CREG1: variants seen among roughly 807,000 people sequenced by gnomAD.
The protein encoded by CREG1 is protein CREG1.
In CREG1, 20 loss-of-function variants were observed where a neutral mutation model predicts 19.9. The ratio of observed to expected loss-of-function variants is 1.01; its 90% CI spans 0.71 to 1.46. CREG1 has a LOEUF of 1.46. Among genes scored for constraint, CREG1 ranks in the 40% most tolerant of loss-of-function variants. The pLI, the probability that CREG1 is intolerant of heterozygous loss-of-function variation, is 0.00. For synonymous variants in CREG1, 141 were observed against 143.3 expected (o/e 0.98, Z 0.12); for missense variants, 290 against 314.9 (o/e 0.92, Z 0.60).
At chr1:167,548,199 T>A in intron 1 of CREG1, 78 bp from the exon 2 acceptor site, 1 of 1,184,780 alleles carries the variant, frequency 8.4e-7, no homozygotes, top group Non-Finnish European at 1.2e-6. Context: ...GTTGCATACA[T>A]GATGTCCCTA....
rs574101042 is a variant in CREG1 at position 167,550,754 on chromosome 1, A to G, written c.355-2633T>C. ...AAATGAACAGCAAGCAGAAATATAGAGAACTTTGAAGAGGTCAGAAATGGA... is the reference window on the plus strand; with the variant it reads ...AAATGAACAGCAAGCAGAAATATAGGGAACTTTGAAGAGGTCAGAAATGGA... On this transcript the variant is annotated intron_variant, in intron 1 of 3. Transcript: ENST00000370509. 9.2e-5 allele frequency among the ~76,000 whole-genome samples: 14 copies of G among 152,294 alleles called. No individual in the cohort carries two copies. The South Asian group carries it at 2.1e-3, about 23-fold the overall frequency.
In CREG1 at chr1:167,553,510, C is replaced by G. The variant is rs1422179506; in HGVS notation, c.232G>C (p.Glu78Gln). 1.3e-6 allele frequency: 2 copies of G among 1,490,282 alleles called. No homozygotes were observed. Among genetic ancestry groups the G allele is most frequent in the African/African-American group, 2.9e-5 (2 of 68,692 alleles). 92.3% of individuals were successfully genotyped at this position (1,490,282 alleles called of 1,614,324 possible). Residue 78 changes from glutamate to glutamine, a missense_variant, in exon 1 of 4, where the codon GAG becomes CAG. By Grantham distance (29) the Glu-to-Gln change is conservative. Coordinates refer to ENST00000370509, the MANE Select transcript of CREG1 (RefSeq NM_003851.3). ...WGALATISTL[E>Q]AVRGRPFADV... is the part of the protein sequence containing the mutation. The stretch of plus-strand genomic sequence containing the variant: ...GCGAAGGGCCGGCCGCGCACCGCCT[C>G]CAGCGTGGAGATGGTGGCCAGAGCG...
Position 167,546,084 on chromosome 1 carries a change from G to A in CREG1, c.659+17C>T, listed in dbSNP as rs61806194. 4.0e-3 allele frequency: 6,342 copies of A among 1,566,804 alleles called. 24 individuals carry two copies. The highest frequency in any genetic ancestry group is 5.1e-3 in the Non-Finnish European group (5,871 of 1,155,860). On this transcript the variant is annotated intron_variant, in intron 3 of 3. Transcript: ENST00000370509. ...GTAAGGGCGGCAATCTTAGGTGAAA[G>A]ATGTGTAAGTACTTACTGAACTGTG...
intron 3 of CREG1, among the ~76,000 whole-genome samples, chr1:167,542,939 T>C (rs552882275): frequency 6.6e-6 from 1 of 152,254 alleles, no homozygotes; most frequent in South Asian, 2.1e-4. Context: ...TCAAAAGCAA[T>C]GCTTATGCTT....
intron 2 of CREG1, among the ~76,000 whole-genome samples, chr1:167,546,712 T>TC (rs1296803929): frequency 1.3e-5 from 2 of 152,082 alleles, no homozygotes; most frequent in Non-Finnish European, 2.9e-5. Context: ...TAAATCTTGA[T>TC]CTTAACCTTA....
At chr1:167,547,915 T>C (rs1185465786) in intron 2 of CREG1, 87 bp downstream of exon 2, 2 of 1,440,272 alleles carry the variant, frequency 1.4e-6, no homozygotes, top group East Asian at 2.3e-5. Context: ...AGTGAGACTC[T>C]GTCTCAAAAG....
chr1:167,552,713 T>C (rs964393764), intron 1 of CREG1, among the ~76,000 whole-genome samples: 1 of 152,178 alleles, frequency 6.6e-6, no homozygotes, highest in African/African-American at 2.4e-5. Context: ...TTAAAGTGCT[T>C]AAGTACCTAA....
intron 1 of CREG1, among the ~76,000 whole-genome samples, chr1:167,552,794 C>G (rs1438001140): frequency 1.3e-5 from 2 of 152,108 alleles, no homozygotes; most frequent in Admixed American, 1.3e-4. Context: ...CGCCTGTAAT[C>G]CCAGCACTTT....
At position 167,548,012 on chromosome 1, in the gene CREG1, G is replaced by A. The variant is rs768500518; in HGVS notation, c.464C>T (p.Thr155Ile). The A allele has an allele frequency of 6.2e-7, 1 of 1,612,844 alleles. No individual in the cohort carries two copies. The highest frequency in any genetic ancestry group is 8.5e-7 in the Non-Finnish European group (1 of 1,178,886). The change falls in exon 2 of 4, where the codon ACT becomes ATT. Residue 155 changes from threonine to isoleucine, a missense_variant. Physicochemically the swap from Thr to Ile is moderately conservative, Grantham distance 89. Coordinates refer to ENST00000370509, the MANE Select transcript of CREG1 (RefSeq NM_003851.3). ...PLCVHIMLSG[T>I]VTKVNETEMD... Reference sequence around the variant, plus strand: ...AGGATAACTACTTACCTTGGTCACAGTTCCTGACAGCATTATGTGAACACA... The same window carrying A: ...AGGATAACTACTTACCTTGGTCACAATTCCTGACAGCATTATGTGAACACA...
At position 167,546,234 on chromosome 1, in the gene CREG1, G is replaced by C; in HGVS notation, c.526C>G (p.Pro176Ala). 4 of 1,611,722 alleles carry C rather than the reference G, an allele frequency of 2.5e-6. No homozygotes were observed. Among genetic ancestry groups the C allele is most frequent in the Non-Finnish European group, 3.4e-6 (4 of 1,179,048 alleles). The change falls in exon 3 of 4, where the codon CCT becomes GCT. Residue 176 changes from proline to alanine, a missense_variant. Pro to Ala is a conservative substitution (Grantham distance 27, BLOSUM62 -1). Transcript: ENST00000370509. Reference protein sequence around the residue: ...IAKHSLFIRHPEMKTWPSSHN... With the variant: ...IAKHSLFIRHAEMKTWPSSHN... ...CTGGAAGGCCAGGTTTTCATCTCAGGGTGTCGAATGAATAACGAATGCTTT... is the reference window on the plus strand; with the variant it reads ...CTGGAAGGCCAGGTTTTCATCTCAGCGTGTCGAATGAATAACGAATGCTTT...
intron 3 of CREG1, among the ~76,000 whole-genome samples, chr1:167,543,492 G>A (rs1438948869): frequency 6.6e-6 from 1 of 152,192 alleles, no homozygotes; most frequent in South Asian, 2.1e-4. Context: ...AAACCGATCT[G>A]GGCAAGCCAA....
intron 1 of CREG1, among the ~76,000 whole-genome samples, chr1:167,550,131 G>T (rs1737488): frequency 1.3e-5 from 2 of 151,922 alleles, no homozygotes; most frequent in East Asian, 3.9e-4. Context: ...CTGGGACTAC[G>T]GTCGTACACC....
chr1:167,548,148 C>T (rs371833839), intron 1 of CREG1, 27 bp from the exon 2 acceptor site: 4 of 1,571,734 alleles, frequency 2.5e-6, no homozygotes, highest in East Asian at 2.3e-5. Flanking sequence ...AAGATCCTCT[C>T]ATGTGAAATA....
intron 1 of CREG1, among the ~76,000 whole-genome samples, chr1:167,552,264 C>T (rs895148263): frequency 2.0e-5 from 3 of 152,168 alleles, no homozygotes; most frequent in African/African-American, 4.8e-5. Context: ...GAAGAGACAA[C>T]GAATGGAAGG....
At chr1:167,547,387 G>A (rs1656347326) in intron 2 of CREG1, among the ~76,000 whole-genome samples, 1 of 152,180 alleles carries the variant, frequency 6.6e-6, no homozygotes, top group South Asian at 2.1e-4. Context: ...ATGTAATGGA[G>A]AGTAGAGGGC....
Position 167,553,438 on chromosome 1 carries a change from C to A in CREG1, c.304G>T (p.Val102Leu). 6.8e-7 allele frequency: 1 copy of A among 1,475,808 alleles called. No homozygotes were observed. Among genetic ancestry groups the A allele is most frequent in the African/African-American group, 1.5e-5 (1 of 68,360 alleles). The allele number at this position is 1,475,808 out of a possible 1,614,324, so 91.4% of individuals were successfully genotyped here. A position where few individuals can be genotyped will look rare whatever the true frequency, so the allele number is the denominator to read the frequency against. ...AGCGGGCTCAGGTAGAAATAGGGCA[C>A]GCCGCTGCCCGCGCCCGGGGGCCCG... ...SDGPPGAGSG[V>L]PYFYLSPLQL... The change falls in exon 1 of 4, where the codon GTG becomes TTG. Residue 102 changes from valine to leucine, a missense_variant. Val to Leu is a conservative substitution (Grantham distance 32). Transcript: ENST00000370509.
chr1:167,553,703 G>T lies in CREG1; in HGVS notation c.39C>A (p.Leu13=). ...ACAGCGTCGACGCCAGCAGGGCGGC[G>T]AGCAGTGCGCGCGCGGACCCGCGGG... The part of the protein sequence containing the change: ...GLSRGSARAL[L]AALLASTLLA... The change falls in exon 1 of 4, where the codon CTC becomes CTA. Residue 13 remains leucine, a synonymous_variant. Coordinates refer to ENST00000370509, the MANE Select transcript of CREG1 (RefSeq NM_003851.3). 7.6e-7 allele frequency: 1 copy of T among 1,307,706 alleles called. No homozygotes were observed. Among genetic ancestry groups the T allele is most frequent in the Non-Finnish European group, 9.7e-7 (1 of 1,034,480 alleles). The allele number at this position is 1,307,706 out of a possible 1,614,324, so 81.0% of individuals were successfully genotyped here.
chr1:167,542,485 G>A (rs148340229), intron 3 of CREG1, among the ~76,000 whole-genome samples, 184 bp from the exon 4 acceptor site: 1 of 152,076 alleles, frequency 6.6e-6, no homozygotes. Context: ...CCTGAGTTTC[G>A]GTTTCAATAG....
chr1:167,552,120 G>T (rs1279359097), intron 1 of CREG1, among the ~76,000 whole-genome samples: 1 of 152,246 alleles, frequency 6.6e-6, no homozygotes, highest in Non-Finnish European at 1.5e-5. Flanking sequence ...GTGATAGGTG[G>T]TTTGAAGAAA....
Sources: allele counts gnomAD v4.1 joint callset (sites outside exome capture counted in the v4.1 genomes callset), GRCh38; gene constraint gnomAD v4.1.1; transcripts MANE v1.5; gene names NCBI Gene and HGNC (gene_info 2026-07-23, HGNC 2026-07-21).